SP100: variants seen among roughly 807,000 people sequenced by gnomAD.
The protein encoded by SP100 is SP100 nuclear body protein.
In SP100, 84 loss-of-function variants were observed where a neutral mutation model predicts 130.0. That is an observed-to-expected ratio of 0.65 (90% CI 0.54 to 0.77). The LOEUF (loss-of-function observed/expected upper bound fraction) is 0.77. Among genes scored for constraint, SP100 ranks in the 30% least tolerant of loss-of-function variants. The probability of loss-of-function intolerance (pLI) is 0.00; values close to 1 mark genes in which losing one functional copy is unlikely to be tolerated. For synonymous variants in SP100, 331 were observed against 351.7 expected, an observed-to-expected ratio of 0.94 and a Z score of 0.66; for missense variants, 978 against 1,052.2, an observed-to-expected ratio of 0.93 and a Z score of 0.97.
intron 17 of SP100, among the ~76,000 whole-genome samples, chr2:230,476,830 G>T (rs967488818): frequency 6.6e-6 from 1 of 151,866 alleles, no homozygotes; most frequent in African/African-American, 2.4e-5. Flanking sequence ...AAAACTCTTT[G>T]TCAGAGAATG....
At chr2:230,462,343 G>A (rs2064701136) in intron 9 of SP100, 92 bp from the exon 10 acceptor site, 2 of 938,624 alleles carry the variant, frequency 2.1e-6, no homozygotes, top group South Asian at 2.8e-5. Flanking sequence ...AGCTTCCTGG[G>A]TCTTCCTAGT....
At chr2:230,494,933 T>C (rs938404769) in intron 18 of SP100, among the ~76,000 whole-genome samples, 13 of 152,240 alleles carry the variant, frequency 8.5e-5, no homozygotes, top group South Asian at 2.1e-4. Context: ...TGTAAGTCTA[T>C]TCTTATGGAA....
intron 24 of SP100, among the ~76,000 whole-genome samples, chr2:230,528,614 C>A (rs1433835053): frequency 6.6e-6 from 1 of 152,016 alleles, no homozygotes; most frequent in Non-Finnish European, 1.5e-5. Flanking sequence ...ACAAAAAACC[C>A]ATCAAAAAAT....
intron 2 of SP100, among the ~76,000 whole-genome samples, chr2:230,430,938 G>C (rs936585846): frequency 1.3e-4 from 20 of 152,240 alleles, no homozygotes; most frequent in African/African-American, 4.3e-4. Context: ...ACATATGCTA[G>C]GATCTGAGGC....
chr2:230,538,098 C>T (rs1041493621), intron 24 of SP100: 2 of 152,200 alleles, frequency 1.3e-5, no homozygotes, highest in Non-Finnish European at 2.9e-5. Context: ...TATACACCAA[C>T]CCAGACTAAC....
At chr2:230,524,858 G>T (rs1273587489) in intron 24 of SP100, among the ~76,000 whole-genome samples, 1 of 152,162 alleles carries the variant, frequency 6.6e-6, no homozygotes, top group Admixed American at 6.5e-5. Flanking sequence ...CTAAGGACAA[G>T]AATTCTAGTT....
intron 24 of SP100, among the ~76,000 whole-genome samples, chr2:230,513,961 A>T (rs866662444): frequency 7.6e-4 from 115 of 152,124 alleles, no homozygotes; most frequent in African/African-American, 2.7e-3. Context: ...CACAATAGAA[A>T]AAAGAAATTA....
chr2:230,471,579 T>A (rs561450316), intron 15 of SP100, among the ~76,000 whole-genome samples: 1 of 152,204 alleles, frequency 6.6e-6, no homozygotes, highest in African/African-American at 2.4e-5. Flanking sequence ...CCTACTTGCA[T>A]GGAGGAAAAG....
At chr2:230,421,969 T>C (rs1004771710) in intron 2 of SP100, among the ~76,000 whole-genome samples, 2 of 152,184 alleles carry the variant, frequency 1.3e-5, no homozygotes, top group African/African-American at 4.8e-5. Flanking sequence ...TCTTTTGGAA[T>C]TCCTGTTAGT....
At chr2:230,448,991 T>C (rs2063837790) in intron 5 of SP100, 97 bp from the exon 6 acceptor site, 1 of 810,864 alleles carries the variant, frequency 1.2e-6, no homozygotes, top group Admixed American at 1.8e-5. Flanking sequence ...GAAGGGGTCT[T>C]TAACTCCTAC....
chr2:230,482,806 G>C (rs181874353), intron 17 of SP100, among the ~76,000 whole-genome samples: 1 of 151,810 alleles, frequency 6.6e-6, no homozygotes, highest in Non-Finnish European at 1.5e-5. Flanking sequence ...ATTTTATAAC[G>C]TATTAATATC....
intron 19 of SP100, among the ~76,000 whole-genome samples, chr2:230,501,303 T>C (rs895193749): frequency 2.6e-5 from 4 of 152,160 alleles, no homozygotes; most frequent in Admixed American, 6.5e-5. Flanking sequence ...GCCAAGTTTA[T>C]AATTCTTTTA....
At chr2:230,477,657 A>C (rs1203524608) in intron 17 of SP100, among the ~76,000 whole-genome samples, 1 of 152,192 alleles carries the variant, frequency 6.6e-6, no homozygotes, top group African/African-American at 2.4e-5. Flanking sequence ...GCACTACAGA[A>C]AAGAAAGAAG....
At chr2:230,435,844 G>A (rs1333932848) in intron 2 of SP100, among the ~76,000 whole-genome samples, 4 of 152,044 alleles carry the variant, frequency 2.6e-5, no homozygotes, top group Non-Finnish European at 5.9e-5. Flanking sequence ...CAAAAACATG[G>A]AATCAACCTA....
rs115233620 is a variant in SP100 at position 230,485,327 on chromosome 2, T to C, written c.1601-9089T>C. Among the ~76,000 whole-genome samples the C allele has an allele frequency of 9.5e-3, 1,442 of 152,200 alleles. 21 individuals carry two copies. The highest frequency in any genetic ancestry group is 0.033 in the African/African-American group (1,378 of 41,510). Reference sequence around the variant, plus strand: ...TCTCATAGGCAATGTTTTTTATTATTGTCATTTGCTAAATATCCTGCAATT... The same window carrying C: ...TCTCATAGGCAATGTTTTTTATTATCGTCATTTGCTAAATATCCTGCAATT... On this transcript the variant is annotated intron_variant, in intron 17 of 28. Transcript: ENST00000340126.
intron 24 of SP100, among the ~76,000 whole-genome samples, chr2:230,522,958 G>A (rs1691246703): frequency 6.6e-6 from 1 of 151,794 alleles, no homozygotes. Context: ...AGGATTACAG[G>A]CACCCACCAG....
At chr2:230,526,573 T>G (rs1401906440) in intron 24 of SP100, among the ~76,000 whole-genome samples, 7 of 152,116 alleles carry the variant, frequency 4.6e-5, no homozygotes, top group Admixed American at 2.6e-4. Context: ...TTTGACAAGT[T>G]CACAGAAGTA....
chr2:230,531,788 G>C (rs1691716095), intron 24 of SP100, among the ~76,000 whole-genome samples: 1 of 152,092 alleles, frequency 6.6e-6, no homozygotes, highest in Non-Finnish European at 1.5e-5. Context: ...AGTGGGTGTG[G>C]TGGACCTAAG....
At chr2:230,535,800 G>C (rs953872737) in intron 24 of SP100, among the ~76,000 whole-genome samples, 3 of 148,908 alleles carry the variant, frequency 2.0e-5, no homozygotes, top group Admixed American at 6.8e-5. Flanking sequence ...CCAGCTACTC[G>C]GGAGGCTGAG....
Sources: allele counts gnomAD v4.1 joint callset (sites outside exome capture counted in the v4.1 genomes callset), GRCh38; gene constraint gnomAD v4.1.1; transcripts MANE v1.5; gene names NCBI Gene and HGNC (gene_info 2026-07-23, HGNC 2026-07-21).